The following CACNA2D3 variants were observed in gnomAD, a reference collection of about 807,000 sequenced individuals.
The protein encoded by CACNA2D3 is voltage-dependent calcium channel subunit alpha-2/delta-3.
A neutral mutation model predicts 160.6 loss-of-function variants in CACNA2D3; 60 were observed. The observed-to-expected ratio is 0.37, with a 90% CI of 0.30 to 0.46. The LOEUF is 0.46. CACNA2D3 is among the 20% of genes least tolerant of loss of function. The pLI, the probability that CACNA2D3 is intolerant of heterozygous loss-of-function variation, is 1.00. For missense variants in CACNA2D3, 1,205 were observed against 1,365.0 expected, an observed-to-expected ratio of 0.88 and a Z score of 1.85; for synonymous variants, 558 against 492.9, an observed-to-expected ratio of 1.13 and a Z score of -1.75.
chr3:55,063,049 G>C (rs1174694891), intron 35 of CACNA2D3, among the ~76,000 whole-genome samples: 1 of 152,222 alleles, frequency 6.6e-6, no homozygotes, highest in African/African-American at 2.4e-5. Flanking sequence ...CATGTCATGG[G>C]AGAATGGAGG....
At chr3:54,845,996 C>T (rs1187205627) in intron 16 of CACNA2D3, among the ~76,000 whole-genome samples, 2 of 152,228 alleles carry the variant, frequency 1.3e-5, no homozygotes, top group East Asian at 1.9e-4. Context: ...GCGTGGGGAC[C>T]CCTCTTTCCT....
At chr3:54,240,001 A>G (rs563484067) in intron 2 of CACNA2D3, among the ~76,000 whole-genome samples, 1 of 152,346 alleles carries the variant, frequency 6.6e-6, no homozygotes, top group African/African-American at 2.4e-5. Flanking sequence ...GTGGAATCTT[A>G]TTTCAGGCCA....
intron 4 of CACNA2D3, among the ~76,000 whole-genome samples, chr3:54,447,635 A>G (rs1322511440): frequency 6.6e-6 from 1 of 152,230 alleles, no homozygotes; most frequent in Non-Finnish European, 1.5e-5. Flanking sequence ...TCCTGCTGAC[A>G]TTCAGGCAGG....
intron 4 of CACNA2D3, among the ~76,000 whole-genome samples, chr3:54,394,172 G>C (rs987089917): frequency 2.6e-5 from 4 of 152,034 alleles, no homozygotes; most frequent in Non-Finnish European, 5.9e-5. Context: ...CTCAGAGAAA[G>C]GCCAGTTCTG....
chr3:54,810,499 A>G (rs1208575039), intron 13 of CACNA2D3, among the ~76,000 whole-genome samples: 3 of 152,216 alleles, frequency 2.0e-5, no homozygotes. Flanking sequence ...TATACATGCA[A>G]GCATCCACAG....
intron 2 of CACNA2D3, among the ~76,000 whole-genome samples, chr3:54,149,542 C>T (rs73083980): frequency 1.6e-3 from 251 of 152,178 alleles, no homozygotes; most frequent in Middle Eastern, 3.4e-3. Flanking sequence ...TCCGGGTTGG[C>T]ATGTCCCCTT....
intron 2 of CACNA2D3, among the ~76,000 whole-genome samples, chr3:54,183,987 G>A (rs945687934): frequency 2.0e-5 from 3 of 150,590 alleles, no homozygotes; most frequent in Non-Finnish European, 3.0e-5. Context: ...CAAAAAGCAG[G>A]AATCATCTGC....
At chr3:54,770,826 T>C (rs998854574) in intron 13 of CACNA2D3, among the ~76,000 whole-genome samples, 1 of 152,180 alleles carries the variant, frequency 6.6e-6, no homozygotes, top group Non-Finnish European at 1.5e-5. Flanking sequence ...AACCAACAAA[T>C]TGTGAGTATG....
chr3:54,422,957 C>T (rs1382114570), intron 4 of CACNA2D3, among the ~76,000 whole-genome samples: 1 of 152,154 alleles, frequency 6.6e-6, no homozygotes, highest in African/African-American at 2.4e-5. Context: ...AATGGGACAG[C>T]AGGCAGAAAC....
intron 9 of CACNA2D3, among the ~76,000 whole-genome samples, chr3:54,591,447 G>A (rs1035510639): frequency 3.3e-5 from 5 of 152,264 alleles, no homozygotes; most frequent in Non-Finnish European, 5.9e-5. Context: ...CTGGTTTTCC[G>A]AGGGAAAATG....
intron 27 of CACNA2D3, among the ~76,000 whole-genome samples, chr3:54,947,331 T>A (rs1701641379): frequency 6.6e-6 from 1 of 152,126 alleles, no homozygotes; most frequent in African/African-American, 2.4e-5. Flanking sequence ...TTCCAAGCAG[T>A]GCTAATGCAA....
rs149153422 is a variant in CACNA2D3, at chr3:54,813,533, A to G, written c.1381-3320A>G. Among the ~76,000 whole-genome samples, 234 of 152,248 alleles carry G rather than the reference A, an allele frequency of 1.5e-3. 1 individual carries two copies. The highest frequency in any genetic ancestry group is 5.4e-3 in the African/African-American group (225 of 41,564). ...CTCTTGAAGGCCATCAGCTTGGGTGATTAACATGGTGGTGGGGGGTGTTGA... is the reference window on the plus strand; with the variant it reads ...CTCTTGAAGGCCATCAGCTTGGGTGGTTAACATGGTGGTGGGGGGTGTTGA... On this transcript the variant is annotated intron_variant, in intron 13 of 37. Transcript: ENST00000474759.
intron 2 of CACNA2D3, among the ~76,000 whole-genome samples, chr3:54,288,265 C>A (rs1034283393): frequency 6.6e-6 from 1 of 152,162 alleles, no homozygotes; most frequent in African/African-American, 2.4e-5. Flanking sequence ...CACAGAAATA[C>A]AAACTACCAT....
intron 35 of CACNA2D3, among the ~76,000 whole-genome samples, chr3:55,065,854 G>A (rs760005196): frequency 6.6e-6 from 1 of 152,168 alleles, no homozygotes; most frequent in Non-Finnish European, 1.5e-5. Flanking sequence ...AATCCTCACT[G>A]TGGCATGCTA....
chr3:54,547,543 G>A (rs1369873633), intron 5 of CACNA2D3, among the ~76,000 whole-genome samples: 8 of 152,060 alleles, frequency 5.3e-5, no homozygotes, highest in African/African-American at 1.7e-4. Flanking sequence ...AGCTAGAAAT[G>A]CCCTTTGTTA....
chr3:54,494,598 A>G (rs1305386347), intron 4 of CACNA2D3, among the ~76,000 whole-genome samples: 2 of 152,134 alleles, frequency 1.3e-5, no homozygotes, highest in Admixed American at 1.3e-4. Context: ...TTGAGTTTGG[A>G]AAAGGTAGAT....
chr3:54,736,035 GTATATATATACACATACATATGTA>G (rs1701501064), intron 11 of CACNA2D3, among the ~76,000 whole-genome samples: 2 of 50,298 alleles, frequency 4.0e-5, no homozygotes, highest in Admixed American at 2.6e-4. Context: ...ATATATATAT[GTATATATATACACATACATATGTA>G]TGTATATATA....
At chr3:54,581,938 T>A in intron 9 of CACNA2D3, 61 bp downstream of exon 9, 1 of 1,404,910 alleles carries the variant, frequency 7.1e-7, no homozygotes, top group African/African-American at 1.4e-5. Flanking sequence ...TCATAGTGAT[T>A]GTTTCACAAT....
At chr3:54,406,084 A>G (rs1441208945) in intron 4 of CACNA2D3, among the ~76,000 whole-genome samples, 1 of 152,124 alleles carries the variant, frequency 6.6e-6, no homozygotes, top group Non-Finnish European at 1.5e-5. Flanking sequence ...AAACTCTTGT[A>G]TGCTGTCAGT....
Sources: gnomAD v4.1 joint callset for allele counts (sites outside exome capture counted in the v4.1 genomes callset) on GRCh38, gnomAD v4.1.1 for gene constraint, MANE v1.5 for transcripts, NCBI Gene and HGNC (gene_info 2026-07-23, HGNC 2026-07-21) for gene names.